HTR4: variants seen among roughly 807,000 people sequenced by gnomAD.
The protein encoded by HTR4 is 5-hydroxytryptamine receptor 4, also known as 5-hydroxytryptamine (serotonin) receptor 4, G protein-coupled.
Under a neutral mutation model 36.8 loss-of-function variants are expected in HTR4, and 16 were observed. That is an observed-to-expected ratio of 0.43 (90% CI 0.29 to 0.66). The LOEUF is 0.66. Ranked by LOEUF, HTR4 falls within the 30% of genes least tolerant of loss-of-function variation. The pLI, the probability that HTR4 is intolerant of heterozygous loss-of-function variation, is 0.13. For synonymous variants in HTR4, 189 were observed against 185.1 expected, an observed-to-expected ratio of 1.02 and a Z score of -0.17; for missense variants, 438 against 490.9, an observed-to-expected ratio of 0.89 and a Z score of 1.02.
intron 4 of HTR4, among the ~76,000 whole-genome samples, chr5:148,524,609 ATGGAATTTCACAACAGGCAGAAT>A (rs1306311373): frequency 6.6e-6 from 1 of 152,144 alleles, no homozygotes; most frequent in Non-Finnish European, 1.5e-5. Flanking sequence ...CAGGCATGGC[ATGGAATTTCACAACAGGCAGAAT>A]GCTACAGTAG....
downstream of HTR4, among the ~76,000 whole-genome samples, chr5:148,477,404 G>A (rs1339854991): frequency 6.6e-6 from 1 of 152,128 alleles, no homozygotes; most frequent in Non-Finnish European, 1.5e-5. Context: ...GAGAAACAAA[G>A]GGGCAAAGGG....
intron 4 of HTR4, among the ~76,000 whole-genome samples, chr5:148,536,269 A>T (rs1336371967): frequency 6.6e-6 from 1 of 152,114 alleles, no homozygotes; most frequent in African/African-American, 2.4e-5. Context: ...CTGCTACCAG[A>T]TTATACAAAA....
intron 2 of HTR4, among the ~76,000 whole-genome samples, chr5:148,551,376 G>T (rs1043203730): frequency 6.6e-6 from 1 of 152,132 alleles, no homozygotes; most frequent in Non-Finnish European, 1.5e-5. Flanking sequence ...TCACCACCCT[G>T]ATCATTTCTT....
At chr5:148,605,352 A>G (rs149658771) in intron 2 of HTR4, among the ~76,000 whole-genome samples, 5,424 of 138,038 alleles carry the variant, frequency 0.039, 138 homozygotes, top group Middle Eastern at 0.068. Context: ...TCCGCCTCCC[A>G]GGTTCAAGCG....
chr5:148,559,418 T>C (rs761124731), intron 2 of HTR4, among the ~76,000 whole-genome samples: 6 of 152,218 alleles, frequency 3.9e-5, no homozygotes, highest in Non-Finnish European at 7.3e-5. Flanking sequence ...ATATGACTTA[T>C]GTAAATTGAT....
chr5:148,455,096 A>T (rs1054561657), intron 5 of HTR4, among the ~76,000 whole-genome samples: 1 of 152,208 alleles, frequency 6.6e-6, no homozygotes. Context: ...TGGAAGTTAC[A>T]TACCTTATTT....
intron 5 of HTR4, among the ~76,000 whole-genome samples, chr5:148,521,506 C>A (rs1431848205): frequency 6.6e-6 from 1 of 151,690 alleles, no homozygotes; most frequent in Non-Finnish European, 1.5e-5. Context: ...CTCTCCTGGG[C>A]TCTAGTGTGC....
chr5:148,496,152 C>G (rs1162018702), intron 6 of HTR4, among the ~76,000 whole-genome samples: 2 of 152,106 alleles, frequency 1.3e-5, no homozygotes, highest in African/African-American at 2.4e-5. Flanking sequence ...TAACTTGAAG[C>G]CCTGAATCAC....
At chr5:148,548,498 A>G (rs1387257224) in intron 4 of HTR4, among the ~76,000 whole-genome samples, 170 bp downstream of exon 4, 1 of 152,208 alleles carries the variant, frequency 6.6e-6, no homozygotes, top group East Asian at 1.9e-4. Flanking sequence ...GGGCCTGACT[A>G]AAAAGGGGGC....
At chr5:148,531,855 G>C (rs1325492347) in intron 4 of HTR4, among the ~76,000 whole-genome samples, 1 of 152,072 alleles carries the variant, frequency 6.6e-6, no homozygotes, top group Non-Finnish European at 1.5e-5. Context: ...ATTCCCTGTT[G>C]CTCTCAACCA....
chr5:148,585,274 T>C (rs1461182100), intron 2 of HTR4, among the ~76,000 whole-genome samples: 1 of 152,240 alleles, frequency 6.6e-6, no homozygotes. Context: ...ATCCAGGGAA[T>C]GTATGCAGAA....
intron 5 of HTR4, among the ~76,000 whole-genome samples, chr5:148,459,009 T>C (rs1229397337): frequency 6.6e-6 from 1 of 152,198 alleles, no homozygotes; most frequent in Non-Finnish European, 1.5e-5. Context: ...AAATTTATTA[T>C]CTCGCATTTC....
At chr5:148,566,557 T>C (rs1376833929) in intron 2 of HTR4, among the ~76,000 whole-genome samples, 1 of 152,122 alleles carries the variant, frequency 6.6e-6, no homozygotes, top group African/African-American at 2.4e-5. Context: ...CCACAAAATG[T>C]CTGAGATTGA....
At chr5:148,501,470 C>G (rs551369054) in intron 6 of HTR4, among the ~76,000 whole-genome samples, 1 of 152,122 alleles carries the variant, frequency 6.6e-6, no homozygotes, top group African/African-American at 2.4e-5. Context: ...TAATGATCTA[C>G]TTGTGGGATT....
intron 4 of HTR4, among the ~76,000 whole-genome samples, chr5:148,536,226 C>T (rs906494506): frequency 1.3e-5 from 2 of 152,058 alleles, no homozygotes; most frequent in Non-Finnish European, 2.9e-5. Flanking sequence ...TACAAGAGAT[C>T]TTGAAAGGAG....
At chr5:148,473,860 A>G (rs1289423502), downstream of HTR4, among the ~76,000 whole-genome samples, 3 of 152,050 alleles carry the variant, frequency 2.0e-5, no homozygotes, top group African/African-American at 7.2e-5. Flanking sequence ...ATTATTCAGT[A>G]AAATCATCAG....
intron 6 of HTR4, among the ~76,000 whole-genome samples, chr5:148,491,144 G>C (rs1581373252): frequency 6.6e-6 from 1 of 152,206 alleles, no homozygotes; most frequent in East Asian, 1.9e-4. Context: ...CTGAACAGCT[G>C]CTCTGACTAA....
chr5:148,532,861 G>T (rs2113816299), intron 4 of HTR4, among the ~76,000 whole-genome samples: 1 of 152,314 alleles, frequency 6.6e-6, no homozygotes, highest in South Asian at 2.1e-4. Flanking sequence ...AACACAGATT[G>T]CTGGTAGGTC....
Position 148,654,164 on chromosome 5 carries a change from G to T in HTR4, c.-150C>A. ...TGCCGCCGCTGCCGCTGCGCTCCCA[G>T]CCGCTGCCTGCGCCCTCCCTGCCGC... On this transcript the variant is annotated 5_prime_UTR_variant, in exon 1 of 7. The change creates a new upstream start codon in the 5' untranslated region. Transcript: ENST00000377888. The T allele has an allele frequency of 1.0e-6, 1 of 985,646 alleles. No homozygotes were observed. The allele number at this position is 985,646 out of a possible 1,614,324, so 61.1% of individuals were successfully genotyped here. A position where few individuals can be genotyped will look rare whatever the true frequency, so the allele number is the denominator to read the frequency against.
Sources: gnomAD v4.1 joint callset for allele counts (sites outside exome capture counted in the v4.1 genomes callset) on GRCh38, gnomAD v4.1.1 for gene constraint, MANE v1.5 for transcripts, NCBI Gene and HGNC (gene_info 2026-07-23, HGNC 2026-07-21) for gene names.